The following GALNT17 variants were observed in gnomAD, a reference collection of about 807,000 sequenced individuals.
The protein encoded by GALNT17 is UDP-GalNAc:polypeptide N-acetylgalactosaminyltransferase-like 3.
GALNT17 carries 29 observed loss-of-function variants against 63.7 expected under a neutral mutation model. That is an observed-to-expected ratio of 0.46 (90% CI 0.34 to 0.62). The LOEUF (loss-of-function observed/expected upper bound fraction) is 0.62, where lower values mean the gene tolerates loss of function less well. Ranked by LOEUF, GALNT17 falls within the 20% of genes least tolerant of loss-of-function variation. The pLI is 0.01. For missense variants in GALNT17, 603 were observed against 799.6 expected (o/e 0.75, Z 2.97); for synonymous variants, 305 against 318.3 (o/e 0.96, Z 0.45).
intron 5 of GALNT17, among the ~76,000 whole-genome samples, chr7:71,461,675 G>A (rs192427916): frequency 1.9e-4 from 29 of 152,220 alleles, no homozygotes; most frequent in Middle Eastern, 3.4e-3. Context: ...TAACATATCC[G>A]CAGGGGAGGA....
chr7:71,315,117 C>T (rs1306320735), intron 1 of GALNT17, among the ~76,000 whole-genome samples: 1 of 152,220 alleles, frequency 6.6e-6, no homozygotes, highest in East Asian at 1.9e-4. Flanking sequence ...TATATGGAAG[C>T]ATACATCTAT....
intron 6 of GALNT17, among the ~76,000 whole-genome samples, chr7:71,595,573 T>G (rs572422720): frequency 6.6e-6 from 1 of 152,132 alleles, no homozygotes; most frequent in South Asian, 2.1e-4. Context: ...GTTCCTCTCC[T>G]GGTCTTCCCA....
intron 5 of GALNT17, among the ~76,000 whole-genome samples, chr7:71,444,496 C>T (rs777308279): frequency 2.0e-5 from 3 of 152,152 alleles, no homozygotes; most frequent in Non-Finnish European, 4.4e-5. Context: ...GGGTGTCTTC[C>T]GTAGCAAACT....
At chr7:71,179,864 T>G (rs1408002931) in intron 1 of GALNT17, among the ~76,000 whole-genome samples, 1 of 152,224 alleles carries the variant, frequency 6.6e-6, no homozygotes, top group East Asian at 1.9e-4. Flanking sequence ...TTTTCATCAC[T>G]CTCTGGACCC....
chr7:71,140,368 G>A (rs1393165708), intron 1 of GALNT17, among the ~76,000 whole-genome samples: 5 of 152,196 alleles, frequency 3.3e-5, no homozygotes, highest in African/African-American at 1.2e-4. Flanking sequence ...AGGACTCATG[G>A]TGTCTGGTTG....
chr7:71,384,477 C>G (rs1792903301), intron 2 of GALNT17, among the ~76,000 whole-genome samples: 1 of 152,174 alleles, frequency 6.6e-6, no homozygotes. Context: ...ACTACCTTTT[C>G]CATCAGAATC....
chr7:71,357,766 A>T (rs931109135), intron 2 of GALNT17, among the ~76,000 whole-genome samples: 6 of 152,136 alleles, frequency 3.9e-5, no homozygotes, highest in Admixed American at 2.6e-4. Context: ...TACTGGGTTG[A>T]GTGGGGACTT....
rs577297549 is a variant in GALNT17 at position 71,426,662 on chromosome 7, T to C, written c.962+5557T>C. 2.0e-3 allele frequency among the ~76,000 whole-genome samples: 297 copies of C among 152,280 alleles called. 1 individual carries two copies. The highest frequency in any genetic ancestry group is 3.6e-3 in the Non-Finnish European group (244 of 68,018). On this transcript the variant is annotated intron_variant, in intron 5 of 10. Coordinates refer to ENST00000333538, the MANE Select transcript of GALNT17 (RefSeq NM_022479.3). ...GGAAGAAGAGGCGGTGGCTCACACCTTTAATCCCAGCACTTTGGGAGGCCG... is the reference window on the plus strand; with the variant it reads ...GGAAGAAGAGGCGGTGGCTCACACCCTTAATCCCAGCACTTTGGGAGGCCG...
intron 1 of GALNT17, among the ~76,000 whole-genome samples, chr7:71,199,236 G>A (rs998261718): frequency 3.3e-5 from 5 of 152,122 alleles, no homozygotes; most frequent in East Asian, 1.9e-4. Context: ...GAAAGATCTC[G>A]CAAATGATCT....
intron 1 of GALNT17, among the ~76,000 whole-genome samples, chr7:71,150,720 C>T (rs1382419619): frequency 6.6e-6 from 1 of 151,808 alleles, no homozygotes; most frequent in Non-Finnish European, 1.5e-5. Context: ...CCATGTTAGC[C>T]AGGATGGTCT....
chr7:71,579,172 A>G (rs1789587343), intron 6 of GALNT17, among the ~76,000 whole-genome samples: 2 of 152,212 alleles, frequency 1.3e-5, no homozygotes. Flanking sequence ...GGCAGAGCCC[A>G]AGTTTATCTG....
intron 9 of GALNT17, among the ~76,000 whole-genome samples, chr7:71,697,514 T>C (rs2117106004): frequency 6.6e-6 from 1 of 152,234 alleles, no homozygotes; most frequent in African/African-American, 2.4e-5. Flanking sequence ...GAGCTAATTG[T>C]CTGTTGGCTC....
intron 5 of GALNT17, among the ~76,000 whole-genome samples, chr7:71,521,053 C>G (rs1459201316): frequency 6.6e-6 from 1 of 152,178 alleles, no homozygotes; most frequent in African/African-American, 2.4e-5. Context: ...ATGGAAGATG[C>G]CATGTGGGTC....
chr7:71,500,850 A>C (rs901268349), intron 5 of GALNT17, among the ~76,000 whole-genome samples: 4 of 150,630 alleles, frequency 2.7e-5, no homozygotes, highest in South Asian at 2.1e-4. Context: ...TAGTTTAGCC[A>C]CTCCTCCAAA....
chr7:71,140,936 G>A lies in GALNT17; in HGVS notation c.238+7896G>A, dbSNP rs574782180. ...CTCGAGAGGCTGAGGTGGGAGGAAC[G>A]CTTGAGCCTAAGAGTTCGAGGCTTC... On this transcript the variant is annotated intron_variant, in intron 1 of 10. Transcript: ENST00000333538. Among the ~76,000 whole-genome samples, 6 of 152,050 alleles carry A rather than the reference G, an allele frequency of 3.9e-5. No homozygotes were observed. In the East Asian group the frequency reaches 9.7e-4, roughly 25 times the overall value.
At chr7:71,508,248 C>T (rs1321569512) in intron 5 of GALNT17, among the ~76,000 whole-genome samples, 1 of 152,174 alleles carries the variant, frequency 6.6e-6, no homozygotes, top group Non-Finnish European at 1.5e-5. Context: ...CCACCGTAAG[C>T]GTGTGACATT....
At chr7:71,292,678 TG>T (rs1562976181) in intron 1 of GALNT17, among the ~76,000 whole-genome samples, 1 of 116,578 alleles carries the variant, frequency 8.6e-6, no homozygotes, top group Non-Finnish European at 2.0e-5. Flanking sequence ...AGTGTGTGTG[TG>T]TGTGTGTGTG....
chr7:71,382,236 C>T (rs566614786), intron 2 of GALNT17, among the ~76,000 whole-genome samples: 4 of 151,764 alleles, frequency 2.6e-5, no homozygotes, highest in Admixed American at 6.6e-5. Flanking sequence ...AAAAATTAGC[C>T]GGGTGTGGTG....
chr7:71,453,302 T>C (rs925552217), intron 5 of GALNT17, among the ~76,000 whole-genome samples: 1 of 152,306 alleles, frequency 6.6e-6, no homozygotes, highest in East Asian at 1.9e-4. Context: ...TAGTAGTCTT[T>C]TGTCACATTG....
Sources: gnomAD v4.1 joint callset for allele counts (sites outside exome capture counted in the v4.1 genomes callset) on GRCh38, gnomAD v4.1.1 for gene constraint, MANE v1.5 for transcripts, NCBI Gene and HGNC (gene_info 2026-07-23, HGNC 2026-07-21) for gene names.